SLC52A3: variants seen among roughly 807,000 people sequenced by gnomAD.
The protein encoded by SLC52A3 is solute carrier family 52 member 3.
Under a neutral mutation model 29.5 loss-of-function variants are expected in SLC52A3, and 20 were observed. The observed-to-expected ratio is 0.68, with a 90% CI of 0.48 to 0.99. The LOEUF (loss-of-function observed/expected upper bound fraction) is 0.99. Among genes scored for constraint, SLC52A3 ranks in the 50% least tolerant of loss-of-function variants. The pLI is 0.00. For synonymous variants in SLC52A3, 301 were observed against 271.0 expected (o/e 1.11, Z -1.09); for missense variants, 548 against 612.9 (o/e 0.89, Z 1.12).
intron 3 of SLC52A3, 96 bp downstream of exon 3, chr20:763,402 C>T: frequency 1.3e-6 from 2 of 1,521,182 alleles, no homozygotes; most frequent in Non-Finnish European, 9.0e-7. Context: ...TGTTCTTAAC[C>T]ACTACATGTA....
At position 764,014 on chromosome 20, in the gene SLC52A3, C is replaced by T. The variant is rs760732701; in HGVS notation, c.568-11G>A. On this transcript the variant is annotated splice_polypyrimidine_tract_variant and intron_variant, in intron 2 of 4. Coordinates refer to ENST00000645534, the MANE Select transcript of SLC52A3 (RefSeq NM_033409.4). ...AGCTCTGGGAACTCCCTGCAAAGGA[C>T]AAGACAGATCCCTGGTCAGGGGAGG... 18 of 1,316,694 alleles carry T rather than the reference C, an allele frequency of 1.4e-5. No individual in the cohort carries two copies. The highest frequency in any genetic ancestry group is 9.1e-5 in the Admixed American group (4 of 43,974). 81.6% of individuals were successfully genotyped at this position (1,316,694 alleles called of 1,614,324 possible). A position where few individuals can be genotyped will look rare whatever the true frequency, so the allele number is the denominator to read the frequency against.
intron 3 of SLC52A3, among the ~76,000 whole-genome samples, chr20:762,247 C>T (rs1314362542): frequency 6.6e-6 from 1 of 152,212 alleles, no homozygotes; most frequent in East Asian, 1.9e-4. Flanking sequence ...ACACCCTCAG[C>T]CTCAGCCAGG....
At position 765,471 on chromosome 20, in the gene SLC52A3, C is replaced by T. The variant is rs770944402; in HGVS notation, c.304G>A (p.Gly102Ser). 5.0e-6 allele frequency: 8 copies of T among 1,603,062 alleles called. No individual in the cohort carries two copies. Among genetic ancestry groups the T allele is most frequent in the Admixed American group, 3.5e-5 (2 of 57,502 alleles). Residue 102 changes from glycine (G) to serine (S), a missense_variant, in exon 2 of 5, where the codon GGC (glycine) becomes AGC (serine). This residue lies in a region of SLC52A3 where 375 missense variants were observed against 471.1 expected (regional missense o/e 0.80). Coordinates refer to ENST00000645534, the MANE Select transcript of SLC52A3 (RefSeq NM_033409.4). This position sits in a 1 kb window ranked among gnomAD's most constrained non-coding sequence, Gnocchi z 6.6. ...ACCAAGAAGGCGATGCTGTGGTGGC[C>T]GTCCAGCACCCAGGAGGTCATATTC... ...LWNMTSWVLD[G>S]HHSIAFLVLT...
upstream of SLC52A3, among the ~76,000 whole-genome samples, chr20:770,506 T>C (rs1986815773): frequency 6.6e-6 from 1 of 152,230 alleles, no homozygotes. The surrounding 1 kb of genome is among the most constrained non-coding windows in gnomAD (Gnocchi z 4.5). Context: ...AAAACTGTTT[T>C]TGAAGTTATT....
upstream of SLC52A3, among the ~76,000 whole-genome samples, chr20:779,015 TAATA>T (rs544442202): frequency 3.1e-4 from 47 of 152,328 alleles, no homozygotes; most frequent in Middle Eastern, 3.4e-3. Flanking sequence ...AATATTGGTT[TAATA>T]AAGGCAGCTA....
chr20:761,528 G>A (rs1986478717), intron 4 of SLC52A3, 173 bp downstream of exon 4: 13 of 969,502 alleles, frequency 1.3e-5, no homozygotes, highest in Non-Finnish European at 2.0e-5. Context: ...CAGTCACCTC[G>A]ATTCCCTAAG....
chr20:773,398 G>A (rs936896346), upstream of SLC52A3, among the ~76,000 whole-genome samples: 3 of 152,124 alleles, frequency 2.0e-5, no homozygotes, highest in Non-Finnish European at 4.4e-5. Context: ...GTTTAAAAGG[G>A]AAATAAATTT....
chr20:768,001 G>A (rs1986740261), intron 1 of SLC52A3, among the ~76,000 whole-genome samples: 1 of 152,120 alleles, frequency 6.6e-6, no homozygotes, highest in South Asian at 2.1e-4. Flanking sequence ...TTACAATCTG[G>A]GTGACCCTGG....
chr20:769,671 C>A (rs1034713250), upstream of SLC52A3, among the ~76,000 whole-genome samples: 7 of 152,198 alleles, frequency 4.6e-5, no homozygotes, highest in African/African-American at 1.2e-4. Context: ...ATGAGGCGGG[C>A]GGATCCCTTG....
chr20:763,294 G>A (rs563152639), intron 3 of SLC52A3, among the ~76,000 whole-genome samples: 11 of 152,354 alleles, frequency 7.2e-5, no homozygotes, highest in Admixed American at 2.0e-4. Flanking sequence ...CCCATTTTCC[G>A]ATAAATATCC....
At chr20:761,445 C>T in intron 4 of SLC52A3, 1 of 748,394 alleles carries the variant, frequency 1.3e-6, no homozygotes, top group Non-Finnish European at 2.1e-6. Flanking sequence ...TCTGGGTTCA[C>T]GTGCCCATGA....
At position 761,208 on chromosome 20, in the gene SLC52A3, G is replaced by T; in HGVS notation, c.1228C>A (p.Leu410Ile). The T allele has an allele frequency of 6.4e-7, 1 of 1,555,950 alleles. No individual in the cohort carries two copies. The highest frequency in any genetic ancestry group is 2.4e-5 in the East Asian group (1 of 41,454). The change falls in exon 5 of 5, where the codon CTC becomes ATC. Residue 410 changes from leucine (L) to isoleucine (I), a missense_variant. By Grantham distance (5) the Leu-to-Ile change is conservative. Transcript: ENST00000645534. ...VASWVLFSGCLSYVKVMLGVV... is the reference protein window; with the variant it reads ...VASWVLFSGCISYVKVMLGVV... ...CCCAGCATCACCTTGACGTAACTGA[G>T]GCAGCCGCTGAAAAGCACCCACGAG...
At chr20:772,547 G>A (rs1171414556), upstream of SLC52A3, among the ~76,000 whole-genome samples, 2 of 151,700 alleles carry the variant, frequency 1.3e-5, no homozygotes, top group Admixed American at 1.3e-4. Context: ...TGTTCGGAAT[G>A]TGTTGGGATA....
chr20:764,516 T>C, intron 2 of SLC52A3, among the ~76,000 whole-genome samples: 1 of 149,092 alleles, frequency 6.7e-6, no homozygotes. Context: ...ATCCCCCACC[T>C]AAGGGGAGAG....
upstream of SLC52A3, among the ~76,000 whole-genome samples, chr20:776,328 T>C (rs888391708): frequency 1.3e-5 from 2 of 152,160 alleles, no homozygotes; most frequent in Non-Finnish European, 2.9e-5. Context: ...ATACTGGTGC[T>C]TCAGTAAGTC....
At chr20:766,988 C>A (rs576483426) in intron 1 of SLC52A3, among the ~76,000 whole-genome samples, 2 of 152,196 alleles carry the variant, frequency 1.3e-5, no homozygotes, top group Middle Eastern at 3.4e-3. Flanking sequence ...CAAAGCCTGA[C>A]AAAATGACTC....
chr20:772,590 T>C (rs1279241148), upstream of SLC52A3, among the ~76,000 whole-genome samples: 1 of 113,918 alleles, frequency 8.8e-6, no homozygotes, highest in South Asian at 2.4e-4. Flanking sequence ...ATTTTCTGTT[T>C]TTTTTTTTTT....
intron 1 of SLC52A3, among the ~76,000 whole-genome samples, chr20:775,468 G>A (rs978184012): frequency 6.6e-6 from 1 of 151,980 alleles, no homozygotes; most frequent in African/African-American, 2.4e-5. Flanking sequence ...TTGTATAGAT[G>A]GAGTTTCGCC....
rs1429738624 is a variant in SLC52A3, at chr20:765,049, T to C, written c.567+159A>G. Among the ~76,000 whole-genome samples, 1 of 152,172 alleles carries C rather than the reference T, an allele frequency of 6.6e-6. No individual in the cohort carries two copies. Among genetic ancestry groups the C allele is most frequent in the Non-Finnish European group, 1.5e-5 (1 of 68,022 alleles). On this transcript the variant is annotated intron_variant, in intron 2 of 4. Coordinates refer to ENST00000645534, the MANE Select transcript of SLC52A3 (RefSeq NM_033409.4). This position sits in a 1 kb window ranked among gnomAD's most constrained non-coding sequence, Gnocchi z 6.6. ...TTGGGGACTCCCATGCGTATGTATG[T>C]AAGTAATTAAAATGAGTTTCCTGCT...
Sources: allele counts gnomAD v4.1 joint callset (sites outside exome capture counted in the v4.1 genomes callset), GRCh38; gene constraint gnomAD v4.1.1; regional missense constraint gnomAD v4.1.1; non-coding constraint Gnocchi (gnomAD v3.1); transcripts MANE v1.5; gene names NCBI Gene and HGNC (gene_info 2026-07-23, HGNC 2026-07-21).